The following HTT variants were observed in gnomAD, a reference collection of about 807,000 sequenced individuals.
HTT encodes the protein huntington disease protein.
In HTT, 104 loss-of-function variants were observed where a neutral mutation model predicts 362.3. The ratio of observed to expected loss-of-function variants is 0.29; its 90% confidence interval spans 0.24 to 0.34. The LOEUF is 0.34. HTT is among the 10% of genes least tolerant of loss of function. The probability of loss-of-function intolerance (pLI) is 1.00; values close to 1 mark genes in which losing one functional copy is unlikely to be tolerated. For missense variants in HTT, 3,301 were observed against 3,928.6 expected, an observed-to-expected ratio of 0.84 and a Z score of 4.27; for synonymous variants, 1,577 against 1,548.7, an observed-to-expected ratio of 1.02 and a Z score of -0.43.
chr4:3,191,968 C>G (rs966049599), intron 40 of HTT, among the ~76,000 whole-genome samples: 2 of 152,154 alleles, frequency 1.3e-5, no homozygotes, highest in South Asian at 4.1e-4. Context: ...AAAGTGCAGG[C>G]AAGGGTAGTT....
intron 29 of HTT, among the ~76,000 whole-genome samples, chr4:3,164,066 GCTATAAATTT>G (rs1484893187): frequency 6.6e-6 from 1 of 152,110 alleles, no homozygotes; most frequent in Non-Finnish European, 1.5e-5. Context: ...GGCATTTAGT[GCTATAAATTT>G]CCCTCTACAC....
chr4:3,227,185 G>A (rs1163306478), intron 57 of HTT, among the ~76,000 whole-genome samples: 1 of 152,220 alleles, frequency 6.6e-6, no homozygotes, highest in Non-Finnish European at 1.5e-5. Flanking sequence ...AACTGTCATG[G>A]GATCATACTG....
chr4:3,222,345 G>C (rs768754254), intron 53 of HTT, 42 bp from the exon 54 acceptor site: 5 of 1,554,640 alleles, frequency 3.2e-6, no homozygotes, highest in East Asian at 2.2e-5. Flanking sequence ...TTACAGGCTT[G>C]AGAAGGGTTG....
intron 18 of HTT, 40 bp from the exon 19 acceptor site, chr4:3,134,361 A>G: frequency 1.3e-6 from 2 of 1,596,136 alleles, no homozygotes; most frequent in South Asian, 1.1e-5. Flanking sequence ...ACTGAGTGGG[A>G]CTAACCTGCT....
intron 2 of HTT, among the ~76,000 whole-genome samples, chr4:3,093,863 T>C (rs1713651654): frequency 1.3e-5 from 2 of 148,922 alleles, no homozygotes; most frequent in African/African-American, 4.9e-5. Context: ...CCAATTCCTT[T>C]TTTTTTTTTT....
intron 35 of HTT, among the ~76,000 whole-genome samples, chr4:3,179,174 T>C (rs530834500): frequency 6.6e-6 from 1 of 152,312 alleles, no homozygotes; most frequent in Admixed American, 6.5e-5. Flanking sequence ...TCAGCGTGTG[T>C]GCAGAAGAGC....
At chr4:3,124,644 C>G (rs901239244) in intron 10 of HTT, among the ~76,000 whole-genome samples, 1 of 152,210 alleles carries the variant, frequency 6.6e-6, no homozygotes, top group South Asian at 2.1e-4. Context: ...CTGAATTCAC[C>G]TTTTTGGCAT....
At chr4:3,171,272 T>C (rs1041615078) in intron 29 of HTT, among the ~76,000 whole-genome samples, 2 of 152,078 alleles carry the variant, frequency 1.3e-5, no homozygotes, top group Non-Finnish European at 2.9e-5. Flanking sequence ...ATCTATTGCT[T>C]ATTAGTAGAG....
At chr4:3,163,033 G>A (rs1717520965) in intron 29 of HTT, among the ~76,000 whole-genome samples, 1 of 152,154 alleles carries the variant, frequency 6.6e-6, no homozygotes, top group Admixed American at 6.5e-5. Context: ...TCCAGTTTTT[G>A]CCCATTCAGT....
rs750331166 is a variant in HTT, at chr4:3,115,318, C to T, written c.762C>T (p.Ala254=). The T allele has an allele frequency of 3.1e-6, 5 of 1,613,982 alleles. No individual in the cohort carries two copies. Among genetic ancestry groups the T allele is most frequent in the South Asian group, 2.2e-5 (2 of 91,048 alleles). The change falls in exon 7 of 67, where the codon GCC becomes GCT. Residue 254 remains alanine, a synonymous_variant. Coordinates refer to ENST00000355072, the MANE Select transcript of HTT (RefSeq NM_001388492.1). ...NDNEIKVLLK[A]FIANLKSSSP... is the part of the protein sequence containing the mutation. ...TGCTTCCGTAGGTTTTGTTAAAGGC[C>T]TTCATAGCGAACCTGAAGTCAAGCT...
intron 1 of HTT, among the ~76,000 whole-genome samples, chr4:3,081,156 A>C (rs1319046999): frequency 6.6e-6 from 1 of 152,196 alleles, no homozygotes; most frequent in Admixed American, 6.5e-5. Context: ...ATTGTGTTGA[A>C]TCTGTAGATC....
intron 66 of HTT, 58 bp downstream of exon 66, chr4:3,239,036 T>A: frequency 1.3e-6 from 2 of 1,509,562 alleles, no homozygotes; most frequent in Non-Finnish European, 8.9e-7. Context: ...CCGAGGCTCA[T>A]GTTTCATGAT....
At chr4:3,174,533 T>C (rs1718141923) in intron 31 of HTT, among the ~76,000 whole-genome samples, 188 bp from the exon 32 acceptor site, 1 of 152,214 alleles carries the variant, frequency 6.6e-6, no homozygotes, top group African/African-American at 2.4e-5. Context: ...CTGTAAACTC[T>C]AAATAGAGTG....
chr4:3,157,215 T>C lies in HTT; in HGVS notation c.3753+16T>C, dbSNP rs1717194562. The stretch of plus-strand genomic sequence containing the variant: ...TAACTACAAGGTATGGGCCTCTGCA[T>C]CTTTTAAAAATATATATGCACACAT... On this transcript the variant is annotated intron_variant, in intron 28 of 66. Coordinates refer to ENST00000355072, the MANE Select transcript of HTT (RefSeq NM_001388492.1). 1 of 1,604,686 alleles carries C rather than the reference T, an allele frequency of 6.2e-7. No homozygotes were observed.
rs765182345 is a variant in HTT at position 3,074,918 on chromosome 4, GCAGCAGCAGCAGCAGCAA to G, written c.98_115del (p.Gln33_Gln38del). The G allele has an allele frequency of 1.3e-5, 19 of 1,485,572 alleles. No homozygotes were observed. The South Asian group carries it at 1.5e-4, about 12-fold the overall frequency. 92.0% of individuals were successfully genotyped at this position (1,485,572 alleles called of 1,614,324 possible). A position where few individuals can be genotyped will look rare whatever the true frequency, so the allele number is the denominator to read the frequency against. The stretch of plus-strand genomic sequence containing the variant: ...AGCAGCAGCAGCAGCAGCAGCAGCA[GCAGCAGCAGCAGCAGCAA>G]CAGCCGCCACCGCCGCCGCCGCCGC... On this transcript the variant is annotated inframe_deletion, in exon 1 of 67. Transcript: ENST00000355072.
chr4:3,202,625 C>A (rs1719635796), intron 41 of HTT, among the ~76,000 whole-genome samples: 1 of 152,136 alleles, frequency 6.6e-6, no homozygotes, highest in Non-Finnish European at 1.5e-5. Context: ...TCAAACAGTT[C>A]CCTCTTCCTC....
At position 3,074,932 on chromosome 4, in the gene HTT, A is replaced by ATCC; in HGVS notation, c.107_108insTCC (p.Gln36delinsHisPro). The ATCC allele has an allele frequency of 2.3e-6, 3 of 1,277,748 alleles. No individual in the cohort carries two copies. Among genetic ancestry groups the ATCC allele is most frequent in the Non-Finnish European group, 3.1e-6 (3 of 963,928 alleles). The allele number at this position is 1,277,748 out of a possible 1,614,324, so 79.2% of individuals were successfully genotyped here. ...CAGCAGCAGCAGCAGCAGCAGCAGC[A>ATCC]GCAACAGCCGCCACCGCCGCCGCCG... On this transcript the variant is annotated protein_altering_variant, in exon 1 of 67. Coordinates refer to ENST00000355072, the MANE Select transcript of HTT (RefSeq NM_001388492.1).
At chr4:3,188,791 C>G in intron 39 of HTT, 160 bp from the exon 40 acceptor site, 1 of 636,578 alleles carries the variant, frequency 1.6e-6, no homozygotes, top group Non-Finnish European at 2.7e-6. Flanking sequence ...GACCAAGTGA[C>G]TGTGTCCACG....
rs755190138 is a variant in HTT, at chr4:3,228,976, C to T, written c.8076C>T (p.Thr2692=). Residue 2692 remains threonine, a synonymous_variant, in exon 59 of 67, where the codon ACC becomes ACT. Transcript: ENST00000355072. This position sits in a 1 kb window ranked among gnomAD's most constrained non-coding sequence, Gnocchi z 4.3. ...WILPSSSARR[T]PAILISEVVR... ...TGCCGTCCAGCTCAGCCAGGAGGACCCCGGCCATCCTGATCAGTGAGGTGG... is the reference window on the plus strand; with the variant it reads ...TGCCGTCCAGCTCAGCCAGGAGGACTCCGGCCATCCTGATCAGTGAGGTGG... 6.2e-7 allele frequency: 1 copy of T among 1,613,752 alleles called. No individual in the cohort carries two copies. The highest frequency in any genetic ancestry group is 1.1e-5 in the South Asian group (1 of 91,080).
Sources: gnomAD v4.1 joint callset for allele counts (sites outside exome capture counted in the v4.1 genomes callset) on GRCh38, gnomAD v4.1.1 for gene constraint, Gnocchi (gnomAD v3.1) non-coding constraint, MANE v1.5 for transcripts, NCBI Gene and HGNC (gene_info 2026-07-23, HGNC 2026-07-21) for gene names.